The following OTOF variants were observed in gnomAD, a reference collection of about 807,000 sequenced individuals.
OTOF encodes the protein otoferlin, also known as fer-1-like family member 2.
OTOF carries 218 observed loss-of-function variants against 236.8 expected under a neutral mutation model. The ratio of observed to expected loss-of-function variants is 0.92; its 90% confidence interval spans 0.82 to 1.03. OTOF has a LOEUF of 1.03. OTOF is among the 50% of genes least tolerant of loss of function. The pLI is 0.00. For synonymous variants in OTOF, 1,041 were observed against 1,072.5 expected (o/e 0.97, Z 0.57); for missense variants, 2,590 against 2,694.4 (o/e 0.96, Z 0.86).
rs776846493 is a variant in OTOF, at chr2:26,482,476, G to T, written c.1509C>A (p.Asp503Glu). Residue 503 changes from aspartate to glutamate, a missense_variant, in exon 14 of 47, where the codon GAC (aspartate) becomes GAA (glutamate). Asp to Glu is a conservative substitution (Grantham distance 45). This residue lies in a region of OTOF where 1,379 missense variants were observed against 1,341.6 expected (regional missense o/e 1.03). Coordinates refer to ENST00000272371, the MANE Select transcript of OTOF (RefSeq NM_194248.3). ...KRMKVQIRDSDKVNDVAIGTH... is the reference protein window; with the variant it reads ...KRMKVQIRDSEKVNDVAIGTH... ...TGCCGATGGCCACGTCGTTGACCTT[G>T]TCCGAGTCTCGGATCTGCACCTTCA... 1 of 1,613,402 alleles carries T rather than the reference G, an allele frequency of 6.2e-7. No individual in the cohort carries two copies.
At chr2:26,556,087 A>T (rs1433140458) in intron 1 of OTOF, among the ~76,000 whole-genome samples, 1 of 152,192 alleles carries the variant, frequency 6.6e-6, no homozygotes, top group African/African-American at 2.4e-5. Flanking sequence ...TATTTCAACC[A>T]GCTGCTCTGG....
In OTOF at chr2:26,477,211, G is replaced by GCGCAGCTTCTGCAGGAAGTTCTGT. The variant is rs1665346397; in HGVS notation, c.2483_2484insACAGAACTTCCTGCAGAAGCTGCG (p.Cys828delinsTer). The GCGCAGCTTCTGCAGGAAGTTCTGT allele has an allele frequency of 6.2e-7, 1 of 1,610,518 alleles. No homozygotes were observed. Among genetic ancestry groups the GCGCAGCTTCTGCAGGAAGTTCTGT allele is most frequent in the Non-Finnish European group, 8.5e-7 (1 of 1,179,580 alleles). On this transcript the variant is annotated stop_gained, in exon 21 of 47. Coordinates refer to ENST00000272371, the MANE Select transcript of OTOF (RefSeq NM_194248.3). LOFTEE classifies it high-confidence loss of function. This position sits in a 1 kb window ranked among gnomAD's most constrained non-coding sequence, Gnocchi z 4.7. ...AGCGCAGCTTCTGCAGGAAGTTCTG[G>GCGCAGCTTCTGCAGGAAGTTCTGT]CACAGCCTCAGCTTGTCCCGCACCG...
In OTOF at chr2:26,504,552, C is replaced by A. The variant is rs376849949; in HGVS notation, c.510-707G>T. Among the ~76,000 whole-genome samples the A allele has an allele frequency of 1.4e-3, 206 of 152,292 alleles. 5 individuals carry two copies. The South Asian group carries it at 0.023, about 17-fold the overall frequency. On this transcript the variant is annotated intron_variant, in intron 5 of 46. Coordinates refer to ENST00000272371, the MANE Select transcript of OTOF (RefSeq NM_194248.3). Reference sequence around the variant, plus strand: ...CCCTCTCACTGCCAAATTCCCCTTTCCCCCAACCCCAGGAACTTATGGCAG... The same window carrying A: ...CCCTCTCACTGCCAAATTCCCCTTTACCCCAACCCCAGGAACTTATGGCAG...
intron 2 of OTOF, among the ~76,000 whole-genome samples, chr2:26,535,942 A>G (rs896071318): frequency 2.6e-5 from 4 of 152,214 alleles, no homozygotes; most frequent in Admixed American, 6.5e-5. Flanking sequence ...GTGCCCTTGG[A>G]AGGGGCATCA....
At position 26,466,996 on chromosome 2, in the gene OTOF, C is replaced by T. The variant is rs566868346; in HGVS notation, c.4362+103G>A. On this transcript the variant is annotated intron_variant, in intron 35 of 46. Coordinates refer to ENST00000272371, the MANE Select transcript of OTOF (RefSeq NM_194248.3). Reference sequence around the variant, plus strand: ...TGAGTCATGGGAGAGTCCAGGGCTTCTGGAGGCAGTGGCCGGGGCAGTGGT... The same window carrying T: ...TGAGTCATGGGAGAGTCCAGGGCTTTTGGAGGCAGTGGCCGGGGCAGTGGT... 18 of 1,556,648 alleles carry T rather than the reference C, an allele frequency of 1.2e-5. 1 individual carries two copies. In the South Asian group the frequency reaches 1.9e-4, roughly 16 times the overall value.
At chr2:26,479,679 C>T (rs1190696650) in intron 16 of OTOF, 26 bp from the exon 17 acceptor site, 1 of 1,609,122 alleles carries the variant, frequency 6.2e-7, no homozygotes, top group South Asian at 1.1e-5. Flanking sequence ...CCCAGAAGGC[C>T]TAGAGTGCAT....
At chr2:26,555,524 C>T (rs1572504503) in intron 1 of OTOF, among the ~76,000 whole-genome samples, 2 of 152,146 alleles carry the variant, frequency 1.3e-5, no homozygotes, top group African/African-American at 2.4e-5. Flanking sequence ...TGGCTGGGAG[C>T]ACTGACCGAG....
chr2:26,513,399 A>T (rs1666438872), intron 5 of OTOF, among the ~76,000 whole-genome samples: 1 of 151,912 alleles, frequency 6.6e-6, no homozygotes, highest in African/African-American at 2.4e-5. Context: ...TGCCCAGAGG[A>T]TCTCCTGGCA....
chr2:26,530,353 G>T (rs1014093295), intron 2 of OTOF, among the ~76,000 whole-genome samples: 2 of 151,948 alleles, frequency 1.3e-5, no homozygotes, highest in Non-Finnish European at 2.9e-5. Flanking sequence ...GAGACAGGGG[G>T]CTTCCGGGGC....
chr2:26,505,851 G>T (rs530224507), intron 5 of OTOF, among the ~76,000 whole-genome samples: 1 of 152,334 alleles, frequency 6.6e-6, no homozygotes, highest in African/African-American at 2.4e-5. Context: ...TACAGATCAG[G>T]ATGCTGTCAT....
rs757394962 is a variant in OTOF, at chr2:26,472,512, G to A, written c.3864+7C>T. ...AGCCAGCAGGGGGCTGACCCCACCC[G>A]CCTTACCGCGTCCAGCTTCACCATG... On this transcript the variant is annotated splice_region_variant and intron_variant, in intron 30 of 46. Coordinates refer to ENST00000272371, the MANE Select transcript of OTOF (RefSeq NM_194248.3). 1.3e-5 allele frequency: 21 copies of A among 1,613,258 alleles called. No individual in the cohort carries two copies. The highest frequency in any genetic ancestry group is 2.2e-5 in the East Asian group (1 of 44,890).
rs1484224704 is a variant in OTOF, at chr2:26,495,029, G to A, written c.810C>T (p.Asn270=). 2.5e-6 allele frequency: 4 copies of A among 1,614,152 alleles called. No homozygotes were observed. Among genetic ancestry groups the A allele is most frequent in the Non-Finnish European group, 3.4e-6 (4 of 1,179,984 alleles). The change falls in exon 9 of 47, where the codon AAC becomes AAT. Residue 270 remains asparagine, a synonymous_variant. Coordinates refer to ENST00000272371, the MANE Select transcript of OTOF (RefSeq NM_194248.3). The stretch of plus-strand genomic sequence containing the variant: ...CCTCCACGCACACCACAGGGTCCAT[G>A]TTCAAGCCCACCAGCTGCCGGGCCT... The part of the protein sequence containing the change: ...VIEARQLVGL[N]MDPVVCVEVG...
At chr2:26,480,168 C>T in intron 16 of OTOF, 35 bp downstream of exon 16, 4 of 1,285,314 alleles carry the variant, frequency 3.1e-6, no homozygotes, top group Non-Finnish European at 4.5e-6. Context: ...CCAGCACTCA[C>T]CTAGGCCCGA....
At chr2:26,528,602 A>G (rs1558517190) in intron 2 of OTOF, among the ~76,000 whole-genome samples, 2 of 152,150 alleles carry the variant, frequency 1.3e-5, no homozygotes, top group Admixed American at 6.5e-5. Context: ...TAGGAATTTG[A>G]TTGGGATTTT....
In OTOF at chr2:26,489,661, G is replaced by C. The variant is rs766748630; in HGVS notation, c.960+17C>G. 6 of 1,608,594 alleles carry C rather than the reference G, an allele frequency of 3.7e-6. No homozygotes were observed. Among genetic ancestry groups the C allele is most frequent in the Non-Finnish European group, 5.1e-6 (6 of 1,175,970 alleles). ...TGAGGGAGTGGCCCTGCCGGCCAGGGGCTGCTCCCCACTCACCGAAATCTT... is the reference window on the plus strand; with the variant it reads ...TGAGGGAGTGGCCCTGCCGGCCAGGCGCTGCTCCCCACTCACCGAAATCTT... On this transcript the variant is annotated intron_variant, in intron 10 of 46. Coordinates refer to ENST00000272371, the MANE Select transcript of OTOF (RefSeq NM_194248.3).
At chr2:26,552,854 C>T (rs1335464697) in intron 1 of OTOF, among the ~76,000 whole-genome samples, 2 of 152,206 alleles carry the variant, frequency 1.3e-5, no homozygotes, top group African/African-American at 4.8e-5. Flanking sequence ...GTAAGGGTCC[C>T]CTCTATTGCT....
At chr2:26,502,250 T>C (rs1472420134) in intron 7 of OTOF, 50 bp downstream of exon 7, 1 of 1,609,796 alleles carries the variant, frequency 6.2e-7, no homozygotes, top group Non-Finnish European at 8.5e-7. Flanking sequence ...AGCCAGGTCC[T>C]GCCTGACAGG....
In OTOF at chr2:26,481,010, C is replaced by T; in HGVS notation, c.1580-1G>A. The T allele has an allele frequency of 1.2e-6, 2 of 1,611,800 alleles. No individual in the cohort carries two copies. The highest frequency in any genetic ancestry group is 8.5e-7 in the Non-Finnish European group (1 of 1,179,004). ...GCTGGGCCCAGTGTGGGCAGGAAGCCTGTGGCAGTGGGAACAAAAATGAGG... is the reference window on the plus strand; with the variant it reads ...GCTGGGCCCAGTGTGGGCAGGAAGCTTGTGGCAGTGGGAACAAAAATGAGG... On this transcript the variant is annotated splice_acceptor_variant, in intron 14 of 46. Transcript: ENST00000272371. LOFTEE classifies it high-confidence loss of function.
At chr2:26,501,935 C>T (rs1267488611) in intron 7 of OTOF, 127 bp from the exon 8 acceptor site, 3 of 756,900 alleles carry the variant, frequency 4.0e-6, no homozygotes, top group South Asian at 1.4e-5. Context: ...CACTCAAGCA[C>T]TGCCAAGAAT....
Sources: allele counts gnomAD v4.1 joint callset (sites outside exome capture counted in the v4.1 genomes callset), GRCh38; gene constraint gnomAD v4.1.1; regional missense constraint gnomAD v4.1.1; non-coding constraint Gnocchi (gnomAD v3.1); transcripts MANE v1.5; gene names NCBI Gene and HGNC (gene_info 2026-07-23, HGNC 2026-07-21).